Variants in CUX2 observed in about 807,000 individuals in gnomAD.
CUX2 encodes the protein cut like homeobox 2.
CUX2 carries 40 observed loss-of-function variants against 144.8 expected under a neutral mutation model. The observed-to-expected ratio is 0.28, with a 90% CI of 0.21 to 0.36. The LOEUF (loss-of-function observed/expected upper bound fraction) is 0.36, where lower values mean the gene tolerates loss of function less well. Ranked by LOEUF, CUX2 falls within the 10% of genes least tolerant of loss-of-function variation. The probability of loss-of-function intolerance (pLI) is 1.00; values close to 1 mark genes in which losing one functional copy is unlikely to be tolerated. For missense variants in CUX2, 1,615 were observed against 1,994.0 expected, an observed-to-expected ratio of 0.81 and a Z score of 3.62; for synonymous variants, 827 against 875.6, an observed-to-expected ratio of 0.94 and a Z score of 0.98.
intron 1 of CUX2, among the ~76,000 whole-genome samples, chr12:111,179,522 T>G (rs542554362): frequency 6.6e-6 from 1 of 152,236 alleles, no homozygotes; most frequent in South Asian, 2.1e-4. Context: ...CATGGTGGTG[T>G]TGAGAGGATT....
chr12:111,245,419 T>C (rs1232110416), intron 3 of CUX2, among the ~76,000 whole-genome samples: 1 of 152,032 alleles, frequency 6.6e-6, no homozygotes, highest in Non-Finnish European at 1.5e-5. Flanking sequence ...TTTTTTTCCA[T>C]TGTTTTGATG....
chr12:111,108,164 G>A (rs909009613), intron 1 of CUX2, among the ~76,000 whole-genome samples: 5 of 152,194 alleles, frequency 3.3e-5, no homozygotes, highest in Non-Finnish European at 7.3e-5. Context: ...AGAATGCAGG[G>A]TGTTTACTTA....
chr12:111,295,520 AG>A lies in CUX2; in HGVS notation c.637+114del. The A allele has an allele frequency of 2.2e-6, 2 of 901,598 alleles. No individual in the cohort carries two copies. Among genetic ancestry groups the A allele is most frequent in the Non-Finnish European group, 3.3e-6 (2 of 600,380 alleles). The allele number at this position is 901,598 out of a possible 1,614,324, so 55.8% of individuals were successfully genotyped here. ...CACATCCAGGTGTTTTAGAATCAAG[AG>A]GGCAAAATGGGAGTTTGGGAAGAAT... On this transcript the variant is annotated intron_variant, in intron 7 of 21. Transcript: ENST00000261726. The surrounding 1 kb of genome is among the most constrained non-coding windows in gnomAD (Gnocchi z 5.0).
intron 3 of CUX2, among the ~76,000 whole-genome samples, chr12:111,222,509 C>T (rs1565858248): frequency 6.6e-6 from 1 of 152,162 alleles, no homozygotes; most frequent in South Asian, 2.1e-4. Flanking sequence ...CAGAGACATT[C>T]ACCTGGGCCT....
chr12:111,277,239 G>A lies in CUX2; in HGVS notation c.301+13400G>A, dbSNP rs527562204. Among the ~76,000 whole-genome samples, 3 of 152,246 alleles carry A rather than the reference G, an allele frequency of 2.0e-5. No individual in the cohort carries two copies. Among genetic ancestry groups the A allele is most frequent in the Admixed American group, 6.5e-5 (1 of 15,296 alleles). On this transcript the variant is annotated intron_variant, in intron 4 of 21. Coordinates refer to ENST00000261726, the MANE Select transcript of CUX2 (RefSeq NM_015267.4). This position sits in a 1 kb window ranked among gnomAD's most constrained non-coding sequence, Gnocchi z 5.0. ...ATAGCACCCCGCCCTCCCAGCCTGC[G>A]CAGGGAGGGGAAAGGAGATTGGCAC...
chr12:111,127,575 G>A lies in CUX2; in HGVS notation c.64-86625G>A, dbSNP rs78143671. 9.7e-3 allele frequency among the ~76,000 whole-genome samples: 1,477 copies of A among 152,308 alleles called. 27 individuals carry two copies. The highest frequency in any genetic ancestry group is 0.034 in the African/African-American group (1,417 of 41,548). On this transcript the variant is annotated intron_variant, in intron 1 of 21. Coordinates refer to ENST00000261726, the MANE Select transcript of CUX2 (RefSeq NM_015267.4). ...CTTAACTTCCTTTTCAGTGGAATAA[G>A]TGTATCTCCTAGTAGAAACAGTCTT...
rs552924970 is a variant in CUX2, at chr12:111,328,073, A to G, written c.2926+5493A>G. On this transcript the variant is annotated intron_variant, in intron 18 of 21. Coordinates refer to ENST00000261726, the MANE Select transcript of CUX2 (RefSeq NM_015267.4). Reference sequence around the variant, plus strand: ...ACCCTGTCTCAAAAACAATAATAATAATGATGAGGGAATCAGGCCTGGAGG... The same window carrying G: ...ACCCTGTCTCAAAAACAATAATAATGATGATGAGGGAATCAGGCCTGGAGG... Among the ~76,000 whole-genome samples, 7 of 152,104 alleles carry G rather than the reference A, an allele frequency of 4.6e-5. No homozygotes were observed. The South Asian group carries it at 1.2e-3, about 27-fold the overall frequency.
intron 1 of CUX2, among the ~76,000 whole-genome samples, chr12:111,200,904 T>G (rs968401504): frequency 1.3e-5 from 2 of 152,192 alleles, no homozygotes; most frequent in African/African-American, 4.8e-5. Context: ...CCCATTTGTT[T>G]AGGAAGAAAT....
chr12:111,204,717 T>C (rs1048236140), intron 1 of CUX2, among the ~76,000 whole-genome samples: 1 of 152,156 alleles, frequency 6.6e-6, no homozygotes, highest in Non-Finnish European at 1.5e-5. Context: ...TTCTAGAGAA[T>C]CCACTGCACT....
At chr12:111,196,315 G>A (rs188068424) in intron 1 of CUX2, among the ~76,000 whole-genome samples, 24 of 152,340 alleles carry the variant, frequency 1.6e-4, no homozygotes, top group Non-Finnish European at 3.1e-4. Context: ...TGCTGTGAAA[G>A]TTTGCACGCA....
In CUX2 at chr12:111,186,123, G is replaced by A. The variant is rs1332540380; in HGVS notation, c.64-28077G>A. Among the ~76,000 whole-genome samples, 6 of 150,144 alleles carry A rather than the reference G, an allele frequency of 4.0e-5. No homozygotes were observed. The highest frequency in any genetic ancestry group is 7.4e-5 in the African/African-American group (3 of 40,602). On this transcript the variant is annotated intron_variant, in intron 1 of 21. Transcript: ENST00000261726. This position sits in a 1 kb window ranked among gnomAD's most constrained non-coding sequence, Gnocchi z 4.4. Reference sequence around the variant, plus strand: ...TTCTGTCTCCGTCTCACTAGATTTCGCTTTCACGTCCTCTCTCGGCATTTC... The same window carrying A: ...TTCTGTCTCCGTCTCACTAGATTTCACTTTCACGTCCTCTCTCGGCATTTC...
chr12:111,211,093 G>A (rs929404393), intron 1 of CUX2, among the ~76,000 whole-genome samples: 2 of 152,154 alleles, frequency 1.3e-5, no homozygotes, highest in Admixed American at 6.5e-5. Flanking sequence ...ATAGTGCCTG[G>A]TACATGTAAG....
Position 111,322,678 on chromosome 12 carries a change from T to G in CUX2, c.2926+98T>G. 4.2e-6 allele frequency: 6 copies of G among 1,436,560 alleles called. No individual in the cohort carries two copies. The highest frequency in any genetic ancestry group is 4.7e-6 in the Non-Finnish European group (5 of 1,061,118). The allele number at this position is 1,436,560 out of a possible 1,614,324, so 89.0% of individuals were successfully genotyped here. On this transcript the variant is annotated intron_variant, in intron 18 of 21. Coordinates refer to ENST00000261726, the MANE Select transcript of CUX2 (RefSeq NM_015267.4). This position sits in a 1 kb window ranked among gnomAD's most constrained non-coding sequence, Gnocchi z 4.2. ...TTTACTGCCCGAGTCTACCTATCTC[T>G]CCCTCCCTGCTGCCCTGGCTTTCAT...
chr12:111,074,843 G>A (rs1381950642), intron 1 of CUX2, among the ~76,000 whole-genome samples: 1 of 151,998 alleles, frequency 6.6e-6, no homozygotes, highest in Non-Finnish European at 1.5e-5. Flanking sequence ...GCCAGGTCTG[G>A]CCACCACTGT....
In CUX2 at chr12:111,348,065, GCCT is replaced by G; in HGVS notation, c.4206_4208del (p.Ser1403del). ...GGTGTCACTGAACTCGCCCTCGGCCGCCTCCTCACCAGGCCTCATGATGTCTGT... is the reference window on the plus strand; with the variant it reads ...GGTGTCACTGAACTCGCCCTCGGCCGCCTCACCAGGCCTCATGATGTCTGT... On this transcript the variant is annotated inframe_deletion, in exon 22 of 22. Coordinates refer to ENST00000261726, the MANE Select transcript of CUX2 (RefSeq NM_015267.4). The G allele has an allele frequency of 2.5e-6, 4 of 1,613,974 alleles. No individual in the cohort carries two copies. The highest frequency in any genetic ancestry group is 2.5e-6 in the Non-Finnish European group (3 of 1,180,006).
intron 1 of CUX2, among the ~76,000 whole-genome samples, chr12:111,140,283 G>A (rs887115606): frequency 2.6e-5 from 4 of 152,166 alleles, no homozygotes; most frequent in Non-Finnish European, 5.9e-5. Context: ...GCAGAGGAGC[G>A]AGAACAGCAG....
intron 3 of CUX2, among the ~76,000 whole-genome samples, chr12:111,232,594 A>G (rs141521812): frequency 1.3e-5 from 2 of 152,350 alleles, no homozygotes; most frequent in African/African-American, 4.8e-5. Context: ...GGATTTGAGC[A>G]TCGGAGGATT....
intron 1 of CUX2, among the ~76,000 whole-genome samples, chr12:111,049,782 T>C (rs1436711961): frequency 6.6e-6 from 1 of 152,152 alleles, no homozygotes; most frequent in Admixed American, 6.5e-5. Flanking sequence ...CTGTAGCAGA[T>C]TGGAGCCCAG....
intron 21 of CUX2, among the ~76,000 whole-genome samples, chr12:111,344,597 C>T (rs1188198972): frequency 1.3e-5 from 2 of 152,238 alleles, no homozygotes; most frequent in Admixed American, 1.3e-4. Flanking sequence ...CCCATCGAAG[C>T]TCTTCCCACT....
Sources: gnomAD v4.1 joint callset for allele counts (sites outside exome capture counted in the v4.1 genomes callset) on GRCh38, gnomAD v4.1.1 for gene constraint, Gnocchi (gnomAD v3.1) non-coding constraint, MANE v1.5 for transcripts, NCBI Gene and HGNC (gene_info 2026-07-23, HGNC 2026-07-21) for gene names.